Variants in NHSL3 observed in about 807,000 individuals in gnomAD.
NHSL3 encodes the protein NHS like 3.
the NHSL3 span, among the ~76,000 whole-genome samples, chr1:32,750,556 G>C: frequency 3.9e-5 from 6 of 152,136 alleles, no homozygotes. Flanking sequence ...TTCCCAGGCT[G>C]GAGTGCAGTG....
chr1:32,768,710 A>G, the NHSL3 span: 1 of 1,614,136 alleles, frequency 6.2e-7, no homozygotes, highest in African/African-American at 1.3e-5. Flanking sequence ...ACCACATCCT[A>G]CGTGGCTGAG....
the NHSL3 span, chr1:32,773,161 G>A: frequency 1.9e-6 from 1 of 531,836 alleles, no homozygotes; most frequent in Non-Finnish European, 3.4e-6. Flanking sequence ...GTAGCTGGCG[G>A]GAGAGGGTGG....
chr1:32,743,251 CTG>C, the NHSL3 span, among the ~76,000 whole-genome samples: 1 of 152,190 alleles, frequency 6.6e-6, no homozygotes, highest in African/African-American at 2.4e-5. Flanking sequence ...CCCATTCTGC[CTG>C]TGTTTACCCT....
chr1:32,767,762 T>C, the NHSL3 span: 19 of 1,584,786 alleles, frequency 1.2e-5, no homozygotes, highest in Non-Finnish European at 1.6e-5. Flanking sequence ...TTTACCTCAT[T>C]TCCCTTCCTC....
At chr1:32,772,404 G>A in the NHSL3 span, 2 of 1,551,576 alleles carry the variant, frequency 1.3e-6, no homozygotes, top group African/African-American at 2.7e-5. Context: ...TCCTGCAGCT[G>A]GTGGGCCCAG....
chr1:32,756,021 C>G, the NHSL3 span, among the ~76,000 whole-genome samples: 2 of 152,224 alleles, frequency 1.3e-5, no homozygotes, highest in African/African-American at 4.8e-5. Context: ...CTCTTGCCTA[C>G]TGGCCCTTGA....
chr1:32,753,207 G>C, the NHSL3 span, among the ~76,000 whole-genome samples: 1 of 151,852 alleles, frequency 6.6e-6, no homozygotes, highest in Admixed American at 6.5e-5. Flanking sequence ...TTAACAGGCC[G>C]GGTGGTGTGG....
chr1:32,757,239 AG>A, the NHSL3 span, among the ~76,000 whole-genome samples: 1 of 152,156 alleles, frequency 6.6e-6, no homozygotes, highest in East Asian at 1.9e-4. Flanking sequence ...GCAGGGAGAG[AG>A]GTCTGGAGTC....
chr1:32,771,900 C>T, the NHSL3 span: 2 of 1,588,708 alleles, frequency 1.3e-6, no homozygotes, highest in Non-Finnish European at 8.6e-7. Context: ...GGCCATCGGC[C>T]CCCCAGAAAC....
At chr1:32,749,486 C>T in the NHSL3 span, among the ~76,000 whole-genome samples, 1 of 152,024 alleles carries the variant, frequency 6.6e-6, no homozygotes, top group African/African-American at 2.4e-5. Flanking sequence ...TCATAGGGAG[C>T]CCTCATGGTA....
chr1:32,754,678 T>A, the NHSL3 span, among the ~76,000 whole-genome samples: 1 of 152,078 alleles, frequency 6.6e-6, no homozygotes, highest in Non-Finnish European at 1.5e-5. Context: ...CCAACCGGAC[T>A]CGCATTCAGG....
At chr1:32,741,838 C>T in the NHSL3 span, 1 of 150,740 alleles carries the variant, frequency 6.6e-6, no homozygotes, top group Admixed American at 6.7e-5. This position sits in a 1 kb window ranked among gnomAD's most constrained non-coding sequence, Gnocchi z 4.3. Flanking sequence ...CTCTCCGCGC[C>T]CGCTCGGCCT....
chr1:32,762,462 A>T, the NHSL3 span, among the ~76,000 whole-genome samples: 6 of 143,374 alleles, frequency 4.2e-5, no homozygotes, highest in African/African-American at 7.8e-5. Flanking sequence ...ATTTTTATAT[A>T]TTTACTTTTT....
At chr1:32,765,276 C>T in the NHSL3 span, among the ~76,000 whole-genome samples, 3 of 141,972 alleles carry the variant, frequency 2.1e-5, no homozygotes, top group East Asian at 4.2e-4. Flanking sequence ...CAGCTCTGGG[C>T]TCCTGCCTGG....
the NHSL3 span, chr1:32,770,137 C>T: frequency 6.3e-7 from 1 of 1,577,426 alleles, no homozygotes; most frequent in Non-Finnish European, 8.6e-7. The surrounding 1 kb of genome is among the most constrained non-coding windows in gnomAD (Gnocchi z 8.3). Flanking sequence ...ATTGACCCGG[C>T]CCATGTCCCT....
the NHSL3 span, among the ~76,000 whole-genome samples, chr1:32,748,351 C>T: frequency 2.0e-5 from 3 of 152,098 alleles, no homozygotes; most frequent in East Asian, 5.8e-4. Context: ...TCATTTCTCT[C>T]TGCTGAGGAA....
chr1:32,742,989 T>C, the NHSL3 span, among the ~76,000 whole-genome samples: 16 of 152,244 alleles, frequency 1.1e-4, no homozygotes, highest in African/African-American at 3.9e-4. Flanking sequence ...GTCCCTGGGC[T>C]CCTCCTCTGG....
the NHSL3 span, among the ~76,000 whole-genome samples, chr1:32,766,355 G>A: frequency 1.3e-5 from 2 of 152,244 alleles, no homozygotes; most frequent in Non-Finnish European, 2.9e-5. Context: ...GAGTTTATTG[G>A]ACTTTTGAGG....
the NHSL3 span, chr1:32,770,480 C>T: frequency 6.3e-7 from 1 of 1,581,484 alleles, no homozygotes; most frequent in South Asian, 1.1e-5. This position sits in a 1 kb window ranked among gnomAD's most constrained non-coding sequence, Gnocchi z 8.3. Context: ...ACCCTCTCCT[C>T]TAAGGGTGGC....
Sources: gnomAD v4.1 joint callset for allele counts (sites outside exome capture counted in the v4.1 genomes callset) on GRCh38, gnomAD v4.1.1 for gene constraint, Gnocchi (gnomAD v3.1) non-coding constraint, MANE v1.5 for transcripts, NCBI Gene and HGNC (gene_info 2026-07-23, HGNC 2026-07-21) for gene names.